LRP1B: variants seen among roughly 807,000 people sequenced by gnomAD.
LRP1B encodes LDL receptor related protein 1B.
Under a neutral mutation model 556.6 loss-of-function variants are expected in LRP1B, and 217 were observed. The observed-to-expected ratio is 0.39, with a 90% CI of 0.35 to 0.44. LRP1B has a LOEUF of 0.44. LRP1B is among the 20% of genes least tolerant of loss of function. The pLI is 1.00. For synonymous variants in LRP1B, 2,047 were observed against 1,865.8 expected (o/e 1.10, Z -2.50); for missense variants, 5,053 against 5,620.8 (o/e 0.90, Z 3.23).
At chr2:140,556,169 C>T (rs1235859109) in intron 43 of LRP1B, among the ~76,000 whole-genome samples, 1 of 152,176 alleles carries the variant, frequency 6.6e-6, no homozygotes, top group African/African-American at 2.4e-5. Flanking sequence ...ACAGCAGAAG[C>T]AGGAAGGCAA....
chr2:141,747,659 C>A (rs932448433), intron 2 of LRP1B, among the ~76,000 whole-genome samples: 2 of 152,052 alleles, frequency 1.3e-5, no homozygotes, highest in Non-Finnish European at 2.9e-5. Context: ...ATTAAATAAG[C>A]CTTCTAAAAT....
At chr2:141,816,973 T>C (rs1461591633) in intron 1 of LRP1B, among the ~76,000 whole-genome samples, 2 of 152,162 alleles carry the variant, frequency 1.3e-5, no homozygotes, top group African/African-American at 4.8e-5. Flanking sequence ...AAACCACCTA[T>C]GTATTTTTCA....
In LRP1B at chr2:140,700,347, T is replaced by C. The variant is rs2105420169; in HGVS notation, c.6702A>G (p.Arg2234=). 4 of 1,613,200 alleles carry C rather than the reference T, an allele frequency of 2.5e-6. No homozygotes were observed. The highest frequency in any genetic ancestry group is 3.4e-6 in the Non-Finnish European group (4 of 1,179,576). The change falls in exon 41 of 91, where the codon AGA becomes AGG. Residue 2234 remains arginine, a synonymous_variant. Coordinates refer to ENST00000389484, the MANE Select transcript of LRP1B (RefSeq NM_018557.3). Reference sequence around the variant, plus strand: ...AAAAGATTCGGTTGGTACCTTTTCTTCTTTGATTATAGTCAAAAGCCAAGG... The same window carrying C: ...AAAAGATTCGGTTGGTACCTTTTCTCCTTTGATTATAGTCAAAAGCCAAGG... ...VIALAFDYNQ[R]RKGTNRIFYS...
intron 41 of LRP1B, among the ~76,000 whole-genome samples, chr2:140,634,608 C>T (rs180871535): frequency 3.9e-5 from 6 of 151,968 alleles, no homozygotes; most frequent in East Asian, 1.9e-4. Flanking sequence ...TAATCAAGGA[C>T]GATATTAATA....
intron 41 of LRP1B, 127 bp from the exon 42 acceptor site, chr2:140,601,766 C>A: frequency 1.8e-6 from 1 of 570,234 alleles, no homozygotes; most frequent in Non-Finnish European, 2.8e-6. Flanking sequence ...ACAAAATCTC[C>A]AAAATAAAAA....
At chr2:141,794,991 A>G (rs909128752) in intron 2 of LRP1B, among the ~76,000 whole-genome samples, 7 of 152,200 alleles carry the variant, frequency 4.6e-5, no homozygotes, top group South Asian at 2.1e-4. Context: ...GGTGAAAATA[A>G]TGGAGTTGTA....
intron 1 of LRP1B, among the ~76,000 whole-genome samples, chr2:142,109,602 AT>A (rs1472876565): frequency 6.6e-6 from 1 of 152,172 alleles, no homozygotes; most frequent in African/African-American, 2.4e-5. Context: ...ATTAAAAATA[AT>A]TTTGAGAATA....
chr2:141,156,907 T>C (rs1368058488), intron 7 of LRP1B, among the ~76,000 whole-genome samples: 5 of 152,138 alleles, frequency 3.3e-5, no homozygotes, highest in Admixed American at 3.3e-4. Flanking sequence ...CCAACATTAG[T>C]TATAATTTTG....
rs190634969 is a variant in LRP1B, at chr2:141,846,567, A to T, written c.83-36166T>A. 9.6e-4 allele frequency among the ~76,000 whole-genome samples: 146 copies of T among 151,762 alleles called. 2 individuals are homozygous for T. Among genetic ancestry groups the T allele is most frequent in the South Asian group, 5.4e-3 (26 of 4,828 alleles). On this transcript the variant is annotated intron_variant, in intron 1 of 90. Coordinates refer to ENST00000389484, the MANE Select transcript of LRP1B (RefSeq NM_018557.3). ...TTGAACTGGAAAATGATTATAATTT[A>T]GTTTTATAACTAACTATAAAACATA... is the stretch of plus-strand genomic sequence containing the variant.
intron 1 of LRP1B, among the ~76,000 whole-genome samples, chr2:142,071,371 G>T (rs1195608076): frequency 6.6e-6 from 1 of 151,840 alleles, no homozygotes; most frequent in Admixed American, 6.6e-5. Context: ...ATAACCAGAG[G>T]GTGATGTCAT....
At chr2:141,345,344 T>C (rs1021659908) in intron 3 of LRP1B, among the ~76,000 whole-genome samples, 3 of 152,182 alleles carry the variant, frequency 2.0e-5, no homozygotes, top group Non-Finnish European at 4.4e-5. Flanking sequence ...TAATCTGTTA[T>C]AGCAGCAAAA....
chr2:141,079,629 A>G (rs1236202633), intron 7 of LRP1B, among the ~76,000 whole-genome samples: 1 of 152,170 alleles, frequency 6.6e-6, no homozygotes, highest in East Asian at 1.9e-4. Context: ...ATCAACAGAT[A>G]TGATCAAATT....
chr2:140,974,662 A>G (rs1373649427), intron 18 of LRP1B, among the ~76,000 whole-genome samples: 3 of 152,224 alleles, frequency 2.0e-5, no homozygotes, highest in Non-Finnish European at 4.4e-5. Flanking sequence ...TTAAAAAACA[A>G]AAGCATGTAA....
At chr2:140,713,648 T>C (rs1007966594) in intron 37 of LRP1B, among the ~76,000 whole-genome samples, 2 of 152,044 alleles carry the variant, frequency 1.3e-5, no homozygotes, top group Non-Finnish European at 1.5e-5. Flanking sequence ...TTTAAAAATA[T>C]ATAGGGAGTC....
At chr2:141,397,704 T>C (rs1690293791) in intron 3 of LRP1B, among the ~76,000 whole-genome samples, 1 of 151,754 alleles carries the variant, frequency 6.6e-6, no homozygotes, top group African/African-American at 2.4e-5. Flanking sequence ...CACGTGGTAG[T>C]GATAAAAAGT....
At chr2:141,146,287 T>C (rs1318143934) in intron 7 of LRP1B, among the ~76,000 whole-genome samples, 1 of 152,230 alleles carries the variant, frequency 6.6e-6, no homozygotes, top group Non-Finnish European at 1.5e-5. Flanking sequence ...TTCACTCTCC[T>C]TCCTTGGCAG....
chr2:141,846,492 A>G (rs1385405231), intron 1 of LRP1B, among the ~76,000 whole-genome samples: 3 of 151,590 alleles, frequency 2.0e-5, no homozygotes, highest in Non-Finnish European at 4.4e-5. Flanking sequence ...GTTCTAAAAA[A>G]TAAAAAAATG....
chr2:142,028,194 A>G lies in LRP1B; in HGVS notation c.82+102454T>C, dbSNP rs999081999. On this transcript the variant is annotated intron_variant, in intron 1 of 90. Coordinates refer to ENST00000389484, the MANE Select transcript of LRP1B (RefSeq NM_018557.3). Reference sequence around the variant, plus strand: ...TTTTGTTTGGTTTACTTTAAAAACAATTTACATAGAATAAACGCTCCCTTT... The same window carrying G: ...TTTTGTTTGGTTTACTTTAAAAACAGTTTACATAGAATAAACGCTCCCTTT... 5.3e-5 allele frequency among the ~76,000 whole-genome samples: 8 copies of G among 152,002 alleles called. 1 individual carries two copies. Among genetic ancestry groups the G allele is most frequent in the African/African-American group, 9.7e-5 (4 of 41,418 alleles).
intron 7 of LRP1B, among the ~76,000 whole-genome samples, chr2:141,071,094 C>T (rs1251136474): frequency 6.6e-6 from 1 of 151,766 alleles, no homozygotes; most frequent in African/African-American, 2.4e-5. Context: ...AACATTGATG[C>T]AAAAATCCTC....
Sources: allele counts gnomAD v4.1 joint callset (sites outside exome capture counted in the v4.1 genomes callset), GRCh38; gene constraint gnomAD v4.1.1; transcripts MANE v1.5; gene names NCBI Gene and HGNC (gene_info 2026-07-23, HGNC 2026-07-21).